The following PTGER4 variants were observed in gnomAD, a reference collection of about 807,000 sequenced individuals.
PTGER4 encodes prostaglandin E2 receptor EP4 subtype.
Under a neutral mutation model 33.2 loss-of-function variants are expected in PTGER4, and 11 were observed. The observed-to-expected ratio is 0.33, with a 90% CI of 0.21 to 0.55. The LOEUF is 0.55. Among genes scored for constraint, PTGER4 ranks in the 20% least tolerant of loss-of-function variants. The pLI, the probability that PTGER4 is intolerant of heterozygous loss-of-function variation, is 0.92. For missense variants in PTGER4, 481 were observed against 650.2 expected, an observed-to-expected ratio of 0.74 and a Z score of 2.83; for synonymous variants, 275 against 281.5, an observed-to-expected ratio of 0.98 and a Z score of 0.23.
the PTGER4 span, among the ~76,000 whole-genome samples, chr5:40,721,986 T>C: frequency 1.3e-5 from 2 of 152,202 alleles, no homozygotes; most frequent in South Asian, 4.1e-4. Context: ...AACACTTGAA[T>C]AGACATTTCT....
the PTGER4 span, among the ~76,000 whole-genome samples, chr5:40,702,029 G>A: frequency 6.6e-6 from 1 of 152,126 alleles, no homozygotes; most frequent in Non-Finnish European, 1.5e-5. Context: ...TCATGAAAAG[G>A]AACACTAAAT....
At chr5:40,717,143 C>T in the PTGER4 span, among the ~76,000 whole-genome samples, 14 of 149,650 alleles carry the variant, frequency 9.4e-5, no homozygotes, top group East Asian at 5.9e-4. Flanking sequence ...GCAGGAGAAT[C>T]GCTTGAACCC....
At chr5:40,697,517 G>A (rs796600311), downstream of PTGER4, among the ~76,000 whole-genome samples, 8 of 150,922 alleles carry the variant, frequency 5.3e-5, no homozygotes, top group East Asian at 2.0e-4. Context: ...CCCCGGAGGC[G>A]GAGGTTGCGG....
chr5:40,739,944 T>TA, the PTGER4 span, among the ~76,000 whole-genome samples: 9 of 152,046 alleles, frequency 5.9e-5, no homozygotes, highest in East Asian at 3.9e-4. Flanking sequence ...TGCTTTTTTT[T>TA]AAAAATAAAG....
At chr5:40,727,381 T>C in the PTGER4 span, among the ~76,000 whole-genome samples, 2 of 152,164 alleles carry the variant, frequency 1.3e-5, no homozygotes, top group Non-Finnish European at 2.9e-5. Context: ...AGCTATCAGG[T>C]GTATATAGCC....
chr5:40,717,189 A>G, the PTGER4 span, among the ~76,000 whole-genome samples: 1 of 141,130 alleles, frequency 7.1e-6, no homozygotes, highest in Non-Finnish European at 1.5e-5. Context: ...AGATCACGCC[A>G]TTGCACTCCA....
chr5:40,697,259 AAAG>A, downstream of PTGER4, among the ~76,000 whole-genome samples: 1 of 111,590 alleles, frequency 9.0e-6, no homozygotes, highest in Non-Finnish European at 2.1e-5. Flanking sequence ...AGAAAGAAAG[AAAG>A]AAAGAAAGAA....
chr5:40,686,866 C>T (rs1423552707), intron 2 of PTGER4, among the ~76,000 whole-genome samples: 1 of 152,056 alleles, frequency 6.6e-6, no homozygotes, highest in Non-Finnish European at 1.5e-5. Flanking sequence ...TCACAGCACT[C>T]CAGCCTGGGT....
At chr5:40,715,635 A>C in the PTGER4 span, 1 of 152,468 alleles carries the variant, frequency 6.6e-6, no homozygotes, top group Non-Finnish European at 1.5e-5. Flanking sequence ...AAGATTCCAC[A>C]TATAACCAAA....
At chr5:40,697,051 GGAAA>G (rs1170364885), downstream of PTGER4, among the ~76,000 whole-genome samples, 15 of 118,622 alleles carry the variant, frequency 1.3e-4, no homozygotes, top group Middle Eastern at 5.4e-3. Flanking sequence ...AAGGAAGGAA[GGAAA>G]GAAAGAAAAG....
chr5:40,738,495 AATAC>A, the PTGER4 span, among the ~76,000 whole-genome samples: 2 of 138,832 alleles, frequency 1.4e-5, no homozygotes, highest in African/African-American at 2.7e-5. Context: ...AATACAATAC[AATAC>A]AATACAATAA....
At chr5:40,728,980 G>T in the PTGER4 span, among the ~76,000 whole-genome samples, 2 of 152,180 alleles carry the variant, frequency 1.3e-5, no homozygotes, top group Non-Finnish European at 2.9e-5. Context: ...TAGGGTTAGG[G>T]TTAGGGTTAG....
chr5:40,691,391 A>C lies in PTGER4; in HGVS notation c.868-388A>C, dbSNP rs527553544. The stretch of plus-strand genomic sequence containing the variant: ...GAGATGGGGTTTCACCATGTTGGCC[A>C]GGAGGTTCTCAATCTCTTGACCTAG... On this transcript the variant is annotated intron_variant, in intron 2 of 2. Transcript: ENST00000302472. This position sits in a 1 kb window ranked among gnomAD's most constrained non-coding sequence, Gnocchi z 4.2. Among the ~76,000 whole-genome samples, 1 of 152,374 alleles carries C rather than the reference A, an allele frequency of 6.6e-6. No homozygotes were observed. Among genetic ancestry groups the C allele is most frequent in the East Asian group, 1.9e-4 (1 of 5,188 alleles).
At chr5:40,739,717 A>C in the PTGER4 span, among the ~76,000 whole-genome samples, 1 of 152,184 alleles carries the variant, frequency 6.6e-6, no homozygotes, top group Non-Finnish European at 1.5e-5. Context: ...CAGAACCGTG[A>C]GCCAATTAAA....
At chr5:40,711,620 C>A in the PTGER4 span, among the ~76,000 whole-genome samples, 1 of 152,024 alleles carries the variant, frequency 6.6e-6, no homozygotes. Context: ...TAGATCAAAA[C>A]TTGAAACAAC....
At chr5:40,723,305 G>T in the PTGER4 span, among the ~76,000 whole-genome samples, 1 of 151,902 alleles carries the variant, frequency 6.6e-6, no homozygotes, top group Non-Finnish European at 1.5e-5. Flanking sequence ...GTGGAAGGCC[G>T]CAGGGTCCTC....
At chr5:40,744,056 T>C in the PTGER4 span, among the ~76,000 whole-genome samples, 1 of 152,242 alleles carries the variant, frequency 6.6e-6, no homozygotes, top group African/African-American at 2.4e-5. Flanking sequence ...CACATTAGTG[T>C]GGTTAAAAGT....
the PTGER4 span, among the ~76,000 whole-genome samples, chr5:40,706,554 C>T: frequency 1.3e-5 from 2 of 151,710 alleles, no homozygotes; most frequent in Non-Finnish European, 2.9e-5. Context: ...ATAACAACAA[C>T]AAAATTAACA....
the PTGER4 span, among the ~76,000 whole-genome samples, chr5:40,703,219 T>A: frequency 1.2e-5 from 1 of 84,688 alleles, no homozygotes; most frequent in South Asian, 4.2e-4. Context: ...GGTTGGTTTT[T>A]TGCAAAAAAA....
Sources: gnomAD v4.1 joint callset for allele counts (sites outside exome capture counted in the v4.1 genomes callset) on GRCh38, gnomAD v4.1.1 for gene constraint, Gnocchi (gnomAD v3.1) non-coding constraint, MANE v1.5 for transcripts, NCBI Gene and HGNC (gene_info 2026-07-23, HGNC 2026-07-21) for gene names.